The following ROBO2 variants were observed in gnomAD, a reference collection of about 807,000 sequenced individuals.
ROBO2 encodes the protein roundabout homolog 2.
In ROBO2, 53 loss-of-function variants were observed where a neutral mutation model predicts 160.8. The observed-to-expected ratio is 0.33, with a 90% confidence interval of 0.26 to 0.41. ROBO2 has a LOEUF of 0.41. ROBO2 is among the 10% of genes least tolerant of loss of function. ROBO2 has a pLI of 1.00. For missense variants in ROBO2, 1,577 were observed against 1,722.4 expected, an observed-to-expected ratio of 0.92 and a Z score of 1.49; for synonymous variants, 664 against 611.7, an observed-to-expected ratio of 1.09 and a Z score of -1.26.
chr3:77,310,659 A>C (rs1235874074), intron 2 of ROBO2, among the ~76,000 whole-genome samples: 4 of 152,156 alleles, frequency 2.6e-5, no homozygotes, highest in Non-Finnish European at 5.9e-5. Context: ...TATGGTGCAA[A>C]GCTTCATTAT....
chr3:76,546,790 T>G (rs2083129531), intron 2 of ROBO2, among the ~76,000 whole-genome samples: 2 of 139,472 alleles, frequency 1.4e-5, no homozygotes, highest in African/African-American at 6.1e-5. Flanking sequence ...CTAACACGAG[T>G]TTTTTTTTTA....
intron 1 of ROBO2, among the ~76,000 whole-genome samples, chr3:75,910,077 G>A (rs1289717952): frequency 6.6e-6 from 1 of 152,174 alleles, no homozygotes; most frequent in Non-Finnish European, 1.5e-5. Flanking sequence ...AGAGGACTTG[G>A]AAGTTTCCTC....
At chr3:77,583,936 G>A (rs532683195) in intron 16 of ROBO2, among the ~76,000 whole-genome samples, 1 of 152,228 alleles carries the variant, frequency 6.6e-6, no homozygotes, top group South Asian at 2.1e-4. Context: ...TTCAAGGCAT[G>A]ATCCTCTCCT....
chr3:76,364,101 T>C (rs1201182067), intron 2 of ROBO2, among the ~76,000 whole-genome samples: 1 of 152,132 alleles, frequency 6.6e-6, no homozygotes, highest in Non-Finnish European at 1.5e-5. Flanking sequence ...CATTATATGT[T>C]CCAGCTATGC....
intron 2 of ROBO2, among the ~76,000 whole-genome samples, chr3:76,577,070 A>C (rs2085353997): frequency 6.6e-6 from 1 of 152,022 alleles, no homozygotes; most frequent in Non-Finnish European, 1.5e-5. Flanking sequence ...TTTATAACAG[A>C]AGCATTGGGG....
At chr3:77,175,342 T>A (rs2080040339) in intron 2 of ROBO2, among the ~76,000 whole-genome samples, 1 of 152,086 alleles carries the variant, frequency 6.6e-6, no homozygotes, top group African/African-American at 2.4e-5. Flanking sequence ...GTTTTTGGGT[T>A]TTTTCGGGGT....
intron 2 of ROBO2, among the ~76,000 whole-genome samples, chr3:76,568,108 C>T (rs150004944): frequency 6.6e-6 from 1 of 151,952 alleles, no homozygotes; most frequent in Non-Finnish European, 1.5e-5. Flanking sequence ...AGCCACTGCA[C>T]CCTGCTTACA....
chr3:76,206,763 T>A (rs1702833080), intron 2 of ROBO2, among the ~76,000 whole-genome samples: 1 of 152,146 alleles, frequency 6.6e-6, no homozygotes, highest in Non-Finnish European at 1.5e-5. Flanking sequence ...TTATCCTTTA[T>A]AAAAGGGGAT....
intron 2 of ROBO2, among the ~76,000 whole-genome samples, chr3:76,413,959 C>T (rs1270128025): frequency 6.6e-6 from 1 of 152,122 alleles, no homozygotes; most frequent in Non-Finnish European, 1.5e-5. Context: ...ATTAGACTTA[C>T]AGTTCCACAT....
At chr3:77,034,624 G>T (rs1386561915) in intron 2 of ROBO2, among the ~76,000 whole-genome samples, 2 of 151,884 alleles carry the variant, frequency 1.3e-5, no homozygotes, top group Non-Finnish European at 1.5e-5. Context: ...TATCCATTGT[G>T]AAACATGCCT....
chr3:76,140,389 G>GC (rs2071586298), intron 2 of ROBO2, among the ~76,000 whole-genome samples: 1 of 151,918 alleles, frequency 6.6e-6, no homozygotes. Context: ...GGTAATCTGA[G>GC]CCAAGCACTA....
At chr3:77,127,006 G>A (rs540428530) in intron 2 of ROBO2, among the ~76,000 whole-genome samples, 1 of 151,624 alleles carries the variant, frequency 6.6e-6, no homozygotes, top group South Asian at 2.1e-4. Flanking sequence ...AGCCAGGATG[G>A]TCTCCATCTC....
Position 77,522,757 on chromosome 3 carries a change from A to G in ROBO2, c.807-18A>G, listed in dbSNP as rs754537591. ...ATAGCTACTACTATTTAATAAAACC[A>G]GTTCATTTTCTACACAGGTATGACA... On this transcript the variant is annotated intron_variant, in intron 5 of 25. Coordinates refer to ENST00000461745, the Ensembl canonical transcript of ROBO2. The G allele has an allele frequency of 7.5e-6, 12 of 1,605,364 alleles. No individual in the cohort carries two copies. The highest frequency in any genetic ancestry group is 2.7e-5 in the African/African-American group (2 of 74,428).
At chr3:77,080,976 T>C (rs182059544) in intron 1 of ROBO2, among the ~76,000 whole-genome samples, 4 of 152,290 alleles carry the variant, frequency 2.6e-5, no homozygotes, top group Non-Finnish European at 5.9e-5. Context: ...TATTTGACAT[T>C]AATATTGAGT....
At chr3:76,331,558 G>C (rs2073484672) in intron 2 of ROBO2, among the ~76,000 whole-genome samples, 1 of 151,636 alleles carries the variant, frequency 6.6e-6, no homozygotes, top group African/African-American at 2.4e-5. Flanking sequence ...GACATAATTT[G>C]ACATTCTCAA....
chr3:76,632,653 T>C (rs1215724063), intron 2 of ROBO2, among the ~76,000 whole-genome samples: 2 of 152,222 alleles, frequency 1.3e-5, no homozygotes, highest in Non-Finnish European at 2.9e-5. Context: ...TCTAGATCAT[T>C]TAAATCATTT....
intron 20 of ROBO2, among the ~76,000 whole-genome samples, chr3:77,604,577 T>G: frequency 6.6e-6 from 1 of 152,194 alleles, no homozygotes; most frequent in East Asian, 1.9e-4. Context: ...ATCTATGAAT[T>G]ATATTAACTA....
intron 6 of ROBO2, among the ~76,000 whole-genome samples, chr3:77,537,273 G>GTT: frequency 1.3e-5 from 2 of 151,906 alleles, no homozygotes; most frequent in Middle Eastern, 3.4e-3. Flanking sequence ...ATAATTGAGA[G>GTT]TTTTTTTTGT....
intron 2 of ROBO2, among the ~76,000 whole-genome samples, chr3:76,102,970 G>A (rs2069761522): frequency 6.6e-6 from 1 of 151,952 alleles, no homozygotes; most frequent in Non-Finnish European, 1.5e-5. Flanking sequence ...GACTGCAGGC[G>A]CCGCCACCAC....
Sources: allele counts gnomAD v4.1 joint callset (sites outside exome capture counted in the v4.1 genomes callset), GRCh38; gene constraint gnomAD v4.1.1; transcripts MANE v1.5; gene names NCBI Gene and HGNC (gene_info 2026-07-23, HGNC 2026-07-21).